The following PCDH15 variants were observed in gnomAD, a reference collection of about 807,000 sequenced individuals.
The protein encoded by PCDH15 is protocadherin related 15.
A neutral mutation model predicts 178.5 loss-of-function variants in PCDH15; 129 were observed. The ratio of observed to expected loss-of-function variants is 0.72; its 90% CI spans 0.63 to 0.84. The LOEUF is 0.84. Among genes scored for constraint, PCDH15 ranks in the 40% least tolerant of loss-of-function variants. PCDH15 has a pLI of 0.00. For missense variants in PCDH15, 2,230 were observed against 2,099.9 expected, an observed-to-expected ratio of 1.06 and a Z score of -1.21; for synonymous variants, 800 against 732.0, an observed-to-expected ratio of 1.09 and a Z score of -1.50.
intron 3 of PCDH15, among the ~76,000 whole-genome samples, chr10:54,501,776 T>G (rs958329685): frequency 7.9e-5 from 12 of 152,082 alleles, no homozygotes; most frequent in African/African-American, 2.9e-4. Context: ...TATAATTATA[T>G]ATGATTTGTT....
At chr10:55,005,200 T>C (rs1591830939) in intron 2 of PCDH15, among the ~76,000 whole-genome samples, 2 of 47,350 alleles carry the variant, frequency 4.2e-5, no homozygotes, top group African/African-American at 1.9e-4. Flanking sequence ...AGTGAGACCC[T>C]GTCTCTAAAT....
chr10:55,373,552 A>T lies in PCDH15; in HGVS notation c.-155-206901T>A, dbSNP rs578218034. Among the ~76,000 whole-genome samples, 15 of 152,208 alleles carry T rather than the reference A, an allele frequency of 9.9e-5. No individual in the cohort carries two copies. In the East Asian group the frequency reaches 2.7e-3, roughly 28 times the overall value. On this transcript the variant is annotated intron_variant, in intron 2 of 5. Transcript: ENST00000613346. ...AGGACAGTACAGGTAATCTAAAAAA[A>T]AATGTCCAGTGCCCAAGGAAAAATA...
intron 15 of PCDH15, among the ~76,000 whole-genome samples, chr10:54,126,779 G>A (rs1293892388): frequency 6.6e-6 from 1 of 151,800 alleles, no homozygotes; most frequent in Non-Finnish European, 1.5e-5. Context: ...AAAAGTAAAA[G>A]GTCAAATGTA....
intron 26 of PCDH15, among the ~76,000 whole-genome samples, chr10:53,878,978 G>A (rs1293915422): frequency 1.3e-5 from 2 of 152,172 alleles, no homozygotes; most frequent in Non-Finnish European, 2.9e-5. Context: ...TCACTCGGGT[G>A]TAAAATGCAG....
intron 3 of PCDH15, among the ~76,000 whole-genome samples, chr10:54,881,915 T>C (rs1954269248): frequency 6.6e-6 from 1 of 152,164 alleles, no homozygotes; most frequent in African/African-American, 2.4e-5. Context: ...GTTTAAATAT[T>C]ATATACAGCG....
intron 13 of PCDH15, among the ~76,000 whole-genome samples, chr10:54,159,108 C>CAA (rs34942409): frequency 0.076 from 9,564 of 125,484 alleles, 690 homozygotes; most frequent in African/African-American, 0.19. Context: ...GAGTCTGTCT[C>CAA]AAAAAAAAAA....
intron 17 of PCDH15, among the ~76,000 whole-genome samples, chr10:54,069,865 G>T (rs750861445): frequency 2.0e-4 from 31 of 151,978 alleles, no homozygotes; most frequent in Non-Finnish European, 4.4e-4. Context: ...TAATTGTTAG[G>T]ACCATATGTC....
intron 2 of PCDH15, among the ~76,000 whole-genome samples, chr10:54,950,214 C>A (rs1286565464): frequency 6.6e-6 from 1 of 152,008 alleles, no homozygotes; most frequent in Non-Finnish European, 1.5e-5. Context: ...GGAAAACTTA[C>A]AATCATGACA....
intron 9 of PCDH15, among the ~76,000 whole-genome samples, chr10:54,221,722 C>A (rs1269199653): frequency 1.3e-5 from 2 of 152,216 alleles, no homozygotes; most frequent in South Asian, 2.1e-4. Context: ...CCCGCCTCAA[C>A]CCCCAGAGTA....
chr10:54,353,907 A>G (rs1539320), intron 5 of PCDH15, among the ~76,000 whole-genome samples: 17,493 of 152,220 alleles, frequency 0.11, 1,791 homozygotes, highest in African/African-American at 0.28. Flanking sequence ...AGAATGATAA[A>G]TAACTCTATC....
intron 21 of PCDH15, among the ~76,000 whole-genome samples, chr10:53,966,426 T>C (rs1164757558): frequency 1.3e-5 from 2 of 152,304 alleles, no homozygotes; most frequent in Admixed American, 1.3e-4. Flanking sequence ...CTTTTTGCTT[T>C]CCCTTCCTCC....
At chr10:55,278,979 C>G (rs1842662921) in intron 1 of PCDH15, among the ~76,000 whole-genome samples, 1 of 152,162 alleles carries the variant, frequency 6.6e-6, no homozygotes, top group African/African-American at 2.4e-5. Flanking sequence ...TCTCAAACTT[C>G]ATTTTAGTCT....
At chr10:54,588,819 C>T (rs1211400827) in intron 2 of PCDH15, among the ~76,000 whole-genome samples, 1 of 152,106 alleles carries the variant, frequency 6.6e-6, no homozygotes, top group Non-Finnish European at 1.5e-5. Context: ...AGCGATTCTC[C>T]CACCTCATCC....
At chr10:54,669,350 A>G (rs1040697148) in intron 1 of PCDH15, among the ~76,000 whole-genome samples, 45 of 151,510 alleles carry the variant, frequency 3.0e-4, no homozygotes, top group African/African-American at 9.4e-4. Flanking sequence ...ATACATATGT[A>G]TAAGTTTATA....
At chr10:54,355,826 C>G (rs1014414609) in intron 5 of PCDH15, among the ~76,000 whole-genome samples, 1 of 151,922 alleles carries the variant, frequency 6.6e-6, no homozygotes, top group African/African-American at 2.4e-5. Context: ...GTGTGCAAAC[C>G]TTTACATTAG....
At chr10:55,395,367 A>G (rs1837902755) in intron 2 of PCDH15, among the ~76,000 whole-genome samples, 1 of 152,078 alleles carries the variant, frequency 6.6e-6, no homozygotes, top group South Asian at 2.1e-4. Context: ...TGATATTCAG[A>G]CTATTATGCA....
At chr10:55,270,189 G>A (rs1254733832) in intron 1 of PCDH15, among the ~76,000 whole-genome samples, 1 of 152,072 alleles carries the variant, frequency 6.6e-6, no homozygotes, top group African/African-American at 2.4e-5. Flanking sequence ...AACCCTAGAA[G>A]AAAACCTTGG....
At chr10:54,331,152 G>A (rs1349953709) in intron 6 of PCDH15, among the ~76,000 whole-genome samples, 1 of 100,126 alleles carries the variant, frequency 1.0e-5, no homozygotes, top group Non-Finnish European at 2.1e-5. Flanking sequence ...CACATAAGAA[G>A]TTAAACTCAA....
Position 53,807,004 on chromosome 10 carries a change from T to A in PCDH15, c.4798A>T (p.Asn1600Tyr), listed in dbSNP as rs2132353538. 1 of 1,613,600 alleles carries A rather than the reference T, an allele frequency of 6.2e-7. No individual in the cohort carries two copies. The highest frequency in any genetic ancestry group is 8.5e-7 in the Non-Finnish European group (1 of 1,179,682). The change falls in exon 38 of 38, where the codon AAC becomes TAC. Residue 1600 changes from asparagine to tyrosine, a missense_variant. By Grantham distance (143) the Asn-to-Tyr change is moderately radical. Transcript: ENST00000644397. ...TTCTGTGCAATATATATATTGCCGTTGATATTACTGTGGATACTAGGATGG... is the reference window on the plus strand; with the variant it reads ...TTCTGTGCAATATATATATTGCCGTAGATATTACTGTGGATACTAGGATGG... ...LHHPSIHSNI[N>Y]GNIYIAQNGS... is the part of the protein sequence containing the mutation.
Sources: allele counts gnomAD v4.1 joint callset (sites outside exome capture counted in the v4.1 genomes callset), GRCh38; gene constraint gnomAD v4.1.1; transcripts MANE v1.5; gene names NCBI Gene and HGNC (gene_info 2026-07-23, HGNC 2026-07-21).